PPP2R2A: variants seen among roughly 807,000 people sequenced by gnomAD.
PPP2R2A encodes protein phosphatase 2 regulatory subunit Balpha.
Under a neutral mutation model 53.2 loss-of-function variants are expected in PPP2R2A, and 9 were observed. The ratio of observed to expected loss-of-function variants is 0.17; its 90% CI spans 0.10 to 0.30. PPP2R2A has a LOEUF of 0.30. Ranked by LOEUF, PPP2R2A falls within the 10% of genes least tolerant of loss-of-function variation. The pLI, the probability that PPP2R2A is intolerant of heterozygous loss-of-function variation, is 1.00. For missense variants in PPP2R2A, 235 were observed against 534.6 expected (o/e 0.44, Z 5.53); for synonymous variants, 169 against 174.2 (o/e 0.97, Z 0.23).
At chr8:26,320,967 G>A (rs1033676996) in intron 2 of PPP2R2A, among the ~76,000 whole-genome samples, 4 of 152,142 alleles carry the variant, frequency 2.6e-5, no homozygotes, top group Non-Finnish European at 4.4e-5. Flanking sequence ...TTTGGGAGGA[G>A]GATGGTTACC....
chr8:26,363,522 G>C, intron 7 of PPP2R2A, 199 bp from the exon 8 acceptor site: 1 of 475,994 alleles, frequency 2.1e-6, no homozygotes, highest in Non-Finnish European at 3.7e-6. Flanking sequence ...GCATACTTAT[G>C]CATCTTCAAC....
chr8:26,325,392 G>C (rs1352870386), intron 2 of PPP2R2A, among the ~76,000 whole-genome samples: 1 of 151,960 alleles, frequency 6.6e-6, no homozygotes, highest in African/African-American at 2.4e-5. Context: ...TTCACCTCCC[G>C]TCATGATTCT....
At chr8:26,315,449 A>G (rs1585344019) in intron 2 of PPP2R2A, among the ~76,000 whole-genome samples, 1 of 152,202 alleles carries the variant, frequency 6.6e-6, no homozygotes, top group East Asian at 1.9e-4. Flanking sequence ...ATTACTATGC[A>G]GCCTTTCATT....
chr8:26,318,941 A>C (rs1272314178), intron 2 of PPP2R2A, among the ~76,000 whole-genome samples: 1 of 152,182 alleles, frequency 6.6e-6, no homozygotes, highest in Non-Finnish European at 1.5e-5. Flanking sequence ...TTGTGCAGCC[A>C]TCGCCACCAT....
intron 2 of PPP2R2A, among the ~76,000 whole-genome samples, chr8:26,322,720 G>A (rs1363300953): frequency 6.6e-6 from 1 of 152,126 alleles, no homozygotes; most frequent in Non-Finnish European, 1.5e-5. Flanking sequence ...TATAAAAGTA[G>A]GGGAAAATCT....
chr8:26,313,865 TTTTGAC>T (rs1418107997), intron 2 of PPP2R2A, among the ~76,000 whole-genome samples: 2 of 152,168 alleles, frequency 1.3e-5, no homozygotes, highest in African/African-American at 2.4e-5. Flanking sequence ...TGAAACTGTT[TTTTGAC>T]TTTAACTGTA....
Position 26,340,357 on chromosome 8 carries a change from A to G in PPP2R2A, c.180+1370A>G, listed in dbSNP as rs1056832262. Among the ~76,000 whole-genome samples, 63 of 152,040 alleles carry G rather than the reference A, an allele frequency of 4.1e-4. 1 individual carries two copies. Among genetic ancestry groups the G allele is most frequent in the African/African-American group, 1.5e-3 (63 of 41,426 alleles). ...TTTTCAGTATTCTTTGCTGTTTTTCATGCTAGATAACCAAAATGTGAAAGT... is the reference window on the plus strand; with the variant it reads ...TTTTCAGTATTCTTTGCTGTTTTTCGTGCTAGATAACCAAAATGTGAAAGT... On this transcript the variant is annotated intron_variant, in intron 3 of 9. Transcript: ENST00000380737.
At chr8:26,331,948 C>G (rs1183645726) in intron 2 of PPP2R2A, among the ~76,000 whole-genome samples, 1 of 152,070 alleles carries the variant, frequency 6.6e-6, no homozygotes, top group Non-Finnish European at 1.5e-5. Context: ...CACTGTAAAG[C>G]CTAATTATAT....
Position 26,354,277 on chromosome 8 carries a change from C to G in PPP2R2A, c.181-191C>G, listed in dbSNP as rs1272521636. On this transcript the variant is annotated intron_variant, in intron 3 of 9. Coordinates refer to ENST00000380737, the MANE Select transcript of PPP2R2A (RefSeq NM_002717.4). The surrounding 1 kb of genome is among the most constrained non-coding windows in gnomAD (Gnocchi z 4.6). Reference sequence around the variant, plus strand: ...AGCTTATTTATTCAGCTTTATTTAGCCTTTTCCCCCGTTAAGTTTTCTCAT... The same window carrying G: ...AGCTTATTTATTCAGCTTTATTTAGGCTTTTCCCCCGTTAAGTTTTCTCAT... 2.6e-5 allele frequency: 9 copies of G among 352,528 alleles called. No individual in the cohort carries two copies. Among genetic ancestry groups the G allele is most frequent in the Admixed American group, 4.7e-5 (1 of 21,376 alleles). 21.8% of individuals were successfully genotyped at this position (352,528 alleles called of 1,614,324 possible).
intron 2 of PPP2R2A, among the ~76,000 whole-genome samples, chr8:26,306,344 C>T (rs1322536893): frequency 1.3e-5 from 2 of 151,884 alleles, no homozygotes; most frequent in African/African-American, 2.4e-5. Flanking sequence ...GGCTTGGTGG[C>T]GCTTGCCTGT....
chr8:26,358,445 A>C (rs538847478), intron 4 of PPP2R2A, among the ~76,000 whole-genome samples: 1 of 152,238 alleles, frequency 6.6e-6, no homozygotes, highest in Non-Finnish European at 1.5e-5. Flanking sequence ...GTATGACTGA[A>C]CTACAAGAAA....
chr8:26,337,545 A>G (rs1348997512), intron 2 of PPP2R2A, among the ~76,000 whole-genome samples: 2 of 152,222 alleles, frequency 1.3e-5, no homozygotes, highest in Non-Finnish European at 2.9e-5. Flanking sequence ...TCAGTAGTAT[A>G]GTACAGAACT....
At chr8:26,313,954 C>T (rs1051071130) in intron 2 of PPP2R2A, among the ~76,000 whole-genome samples, 13 of 152,286 alleles carry the variant, frequency 8.5e-5, no homozygotes, top group East Asian at 7.7e-4. Context: ...AGGAAACTCA[C>T]GCAGGAGTGG....
At chr8:26,296,913 A>G (rs534961011) in intron 2 of PPP2R2A, among the ~76,000 whole-genome samples, 1 of 152,210 alleles carries the variant, frequency 6.6e-6, no homozygotes, top group Non-Finnish European at 1.5e-5. Context: ...ATACAACCGT[A>G]TAATGCAAAG....
At position 26,366,405 on chromosome 8, in the gene PPP2R2A, A is replaced by G. The variant is rs1322132875; in HGVS notation, c.1063A>G (p.Ser355Gly). 1 of 1,575,032 alleles carries G rather than the reference A, an allele frequency of 6.3e-7. No individual in the cohort carries two copies. The highest frequency in any genetic ancestry group is 8.6e-7 in the Non-Finnish European group (1 of 1,162,334). ...TGAATGTTGTTGGAATGGATCTGAC[A>G]GGTAATTAAGTCAAACCTCTCAAAT... ...KFECCWNGSD[S>G]VVMTGSYNNF... is the part of the protein sequence containing the mutation. The change falls in exon 9 of 10, where the codon AGT (serine) becomes GGT (glycine). Residue 355 changes from serine (S) to glycine (G), a missense_variant and splice_region_variant. By Grantham distance (56) the Ser-to-Gly change is moderately conservative. Transcript: ENST00000380737.
At chr8:26,355,519 C>T (rs1804731125) in intron 4 of PPP2R2A, among the ~76,000 whole-genome samples, 1 of 152,168 alleles carries the variant, frequency 6.6e-6, no homozygotes, top group Admixed American at 6.5e-5. Flanking sequence ...GCTGGGATTA[C>T]ACGTGTGAGC....
chr8:26,298,097 G>A (rs1375638620), intron 2 of PPP2R2A, among the ~76,000 whole-genome samples: 1 of 152,210 alleles, frequency 6.6e-6, no homozygotes, highest in South Asian at 2.1e-4. Flanking sequence ...AGTTGTGATC[G>A]GGAAGGGCTG....
intron 2 of PPP2R2A, among the ~76,000 whole-genome samples, chr8:26,313,576 G>A (rs1440555056): frequency 6.6e-6 from 1 of 152,124 alleles, no homozygotes; most frequent in Non-Finnish European, 1.5e-5. Context: ...ACCTTATATG[G>A]CAAAAGGACT....
rs1301709266 is a variant in PPP2R2A, at chr8:26,362,358, A to C, written c.638-326A>C. Among the ~76,000 whole-genome samples the C allele has an allele frequency of 6.6e-6, 1 of 150,882 alleles. No homozygotes were observed. The highest frequency in any genetic ancestry group is 1.5e-5 in the Non-Finnish European group (1 of 67,762). ...AAAAATACAAAAAAAAAAAAAAATT[A>C]GTCAGTTGTAGTGGTGTGCGCCTGT... On this transcript the variant is annotated intron_variant, in intron 6 of 9. Coordinates refer to ENST00000380737, the MANE Select transcript of PPP2R2A (RefSeq NM_002717.4). The surrounding 1 kb of genome is among the most constrained non-coding windows in gnomAD (Gnocchi z 4.4).
Sources: gnomAD v4.1 joint callset for allele counts (sites outside exome capture counted in the v4.1 genomes callset) on GRCh38, gnomAD v4.1.1 for gene constraint, Gnocchi (gnomAD v3.1) non-coding constraint, MANE v1.5 for transcripts, NCBI Gene and HGNC (gene_info 2026-07-23, HGNC 2026-07-21) for gene names.